The following DAPK1 variants were observed in gnomAD, a reference collection of about 807,000 sequenced individuals.
DAPK1 encodes the protein death-associated protein kinase 1.
Under a neutral mutation model 144.9 loss-of-function variants are expected in DAPK1, and 56 were observed. The ratio of observed to expected loss-of-function variants is 0.39; its 90% CI spans 0.31 to 0.48. The LOEUF is 0.48. Among genes scored for constraint, DAPK1 ranks in the 20% least tolerant of loss-of-function variants. The probability of loss-of-function intolerance (pLI) is 0.95; values close to 1 mark genes in which losing one functional copy is unlikely to be tolerated. For missense variants in DAPK1, 1,454 were observed against 1,875.4 expected, an observed-to-expected ratio of 0.78 and a Z score of 4.15; for synonymous variants, 690 against 749.0, an observed-to-expected ratio of 0.92 and a Z score of 1.29.
At chr9:87,542,370 G>A (rs1166996663) in intron 2 of DAPK1, among the ~76,000 whole-genome samples, 1 of 152,146 alleles carries the variant, frequency 6.6e-6, no homozygotes, top group Non-Finnish European at 1.5e-5. Context: ...TTACAGATGA[G>A]GAAATTGAGG....
chr9:87,532,215 T>G (rs1825725142), intron 2 of DAPK1, among the ~76,000 whole-genome samples: 1 of 152,236 alleles, frequency 6.6e-6, no homozygotes, highest in Non-Finnish European at 1.5e-5. Flanking sequence ...ATAGAGTCCT[T>G]CTGCTAAGAA....
At chr9:87,683,829 G>T (rs1421693826) in intron 20 of DAPK1, among the ~76,000 whole-genome samples, 2 of 152,208 alleles carry the variant, frequency 1.3e-5, no homozygotes, top group African/African-American at 4.8e-5. Flanking sequence ...AGAGCCCTAA[G>T]GTGCAGGCAC....
chr9:87,510,201 G>T (rs543187252), intron 2 of DAPK1, among the ~76,000 whole-genome samples: 1 of 152,282 alleles, frequency 6.6e-6, no homozygotes, highest in Non-Finnish European at 1.5e-5. Flanking sequence ...TGACACGTAT[G>T]GAGCAGACAG....
At chr9:87,513,387 G>A (rs1334838855) in intron 2 of DAPK1, among the ~76,000 whole-genome samples, 22 of 152,206 alleles carry the variant, frequency 1.4e-4, no homozygotes, top group Admixed American at 1.4e-3. Context: ...GCCAAGGAGA[G>A]CGTTTTGACT....
rs993891626 is a variant in DAPK1, at chr9:87,581,425, TA to T, written c.63-23516del. Among the ~76,000 whole-genome samples the T allele has an allele frequency of 9.9e-3, 1,428 of 144,546 alleles. 9 individuals are homozygous for T. The highest frequency in any genetic ancestry group is 0.019 in the African/African-American group (749 of 39,560). 94.8% of individuals were successfully genotyped at this position (144,546 alleles called of 152,430 possible). On this transcript the variant is annotated intron_variant, in intron 2 of 25. Coordinates refer to ENST00000408954, the MANE Select transcript of DAPK1 (RefSeq NM_004938.4). The stretch of plus-strand genomic sequence containing the variant: ...CATGATGATGGAATCAAGCTGTAAT[TA>T]AAAAAAAAAAAACTTAGTTAATTTT...
At chr9:87,703,676 AAGAC>A (rs1281596591) in intron 25 of DAPK1, among the ~76,000 whole-genome samples, 3 of 152,162 alleles carry the variant, frequency 2.0e-5, no homozygotes, top group African/African-American at 4.8e-5. Context: ...TGGAGATACA[AAGAC>A]AGAGAACTCT....
intron 2 of DAPK1, among the ~76,000 whole-genome samples, chr9:87,517,019 A>AT (rs1367265330): frequency 2.6e-5 from 4 of 152,156 alleles, no homozygotes; most frequent in Admixed American, 2.0e-4. Context: ...GGGAAGAAAC[A>AT]TCACAACCTC....
intron 2 of DAPK1, among the ~76,000 whole-genome samples, chr9:87,501,689 G>A (rs547588253): frequency 9.5e-4 from 145 of 152,332 alleles, no homozygotes; most frequent in African/African-American, 3.4e-3. Context: ...TAGAGTACAA[G>A]TATTATTGTT....
chr9:87,570,699 C>G (rs11141896), intron 2 of DAPK1, among the ~76,000 whole-genome samples: 1 of 151,996 alleles, frequency 6.6e-6, no homozygotes, highest in Non-Finnish European at 1.5e-5. Flanking sequence ...AGTCATCATT[C>G]ATAGCAGTGA....
chr9:87,666,436 G>A (rs1587827135), intron 18 of DAPK1, among the ~76,000 whole-genome samples: 2 of 151,950 alleles, frequency 1.3e-5, no homozygotes, highest in Non-Finnish European at 2.9e-5. Context: ...GCAAATGTGA[G>A]GAAACATTTT....
chr9:87,551,987 C>T (rs1323604409), intron 2 of DAPK1, among the ~76,000 whole-genome samples: 1 of 152,150 alleles, frequency 6.6e-6, no homozygotes, highest in Non-Finnish European at 1.5e-5. Flanking sequence ...TGCCAGTAAG[C>T]CAGAGGGGCT....
chr9:87,507,677 T>A (rs995503465), intron 2 of DAPK1, among the ~76,000 whole-genome samples: 3 of 152,134 alleles, frequency 2.0e-5, no homozygotes, highest in Non-Finnish European at 4.4e-5. Flanking sequence ...CACATACAAC[T>A]TTGGACGAAG....
chr9:87,531,056 A>G (rs1013997268), intron 2 of DAPK1, among the ~76,000 whole-genome samples: 1 of 152,214 alleles, frequency 6.6e-6, no homozygotes, highest in South Asian at 2.1e-4. Flanking sequence ...GATATATTTT[A>G]AAGTATCTAT....
chr9:87,552,306 G>T (rs1448653732), intron 2 of DAPK1, among the ~76,000 whole-genome samples: 1 of 127,614 alleles, frequency 7.8e-6, no homozygotes, highest in Non-Finnish European at 1.8e-5. Flanking sequence ...TCCCAACCCC[G>T]CTGACCCCAT....
At chr9:87,538,695 G>A (rs974827517) in intron 2 of DAPK1, among the ~76,000 whole-genome samples, 8 of 152,008 alleles carry the variant, frequency 5.3e-5, no homozygotes, top group East Asian at 1.9e-4. Context: ...GGAATTGCCC[G>A]CATATGAAAA....
At chr9:87,592,712 G>A (rs954108868) in intron 2 of DAPK1, among the ~76,000 whole-genome samples, 3 of 152,178 alleles carry the variant, frequency 2.0e-5, no homozygotes, top group Non-Finnish European at 2.9e-5. Flanking sequence ...GGTCAGCCTC[G>A]TGGCTGACTT....
chr9:87,514,054 T>C (rs1824953959), intron 2 of DAPK1, among the ~76,000 whole-genome samples: 2 of 152,132 alleles, frequency 1.3e-5, no homozygotes, highest in African/African-American at 4.8e-5. Context: ...CATTGCTAAA[T>C]GTGTGAGGGG....
chr9:87,601,333 T>G (rs983076512), intron 2 of DAPK1, among the ~76,000 whole-genome samples: 6 of 152,230 alleles, frequency 3.9e-5, no homozygotes, highest in African/African-American at 1.4e-4. Context: ...TGGGCCTGGC[T>G]GCTGGCACTT....
intron 2 of DAPK1, among the ~76,000 whole-genome samples, chr9:87,592,649 C>A (rs937799961): frequency 1.3e-5 from 2 of 152,156 alleles, no homozygotes; most frequent in African/African-American, 2.4e-5. Context: ...TACAGTCTTG[C>A]CCTGGCTCTC....
Sources: gnomAD v4.1 joint callset for allele counts (sites outside exome capture counted in the v4.1 genomes callset) on GRCh38, gnomAD v4.1.1 for gene constraint, MANE v1.5 for transcripts, NCBI Gene and HGNC (gene_info 2026-07-23, HGNC 2026-07-21) for gene names.